The following LSAMP variants were observed in gnomAD, a reference collection of about 807,000 sequenced individuals.
The protein encoded by LSAMP is limbic system associated membrane protein, also known as limbic system-associated membrane protein.
A neutral mutation model predicts 38.6 loss-of-function variants in LSAMP; 7 were observed. The ratio of observed to expected loss-of-function variants is 0.18; its 90% CI spans 0.10 to 0.34. The LOEUF (loss-of-function observed/expected upper bound fraction) is 0.34. LSAMP is among the 10% of genes least tolerant of loss of function. The pLI, the probability that LSAMP is intolerant of heterozygous loss-of-function variation, is 1.00. For missense variants in LSAMP, 313 were observed against 420.0 expected (o/e 0.75, Z 2.23); for synonymous variants, 154 against 166.8 (o/e 0.92, Z 0.59).
intron 1 of LSAMP, among the ~76,000 whole-genome samples, chr3:116,395,679 G>A (rs1295144434): frequency 6.6e-6 from 1 of 152,094 alleles, no homozygotes; most frequent in Non-Finnish European, 1.5e-5. Flanking sequence ...GGAAAACTAA[G>A]GTGTGACTAG....
intron 1 of LSAMP, among the ~76,000 whole-genome samples, chr3:116,337,279 G>C (rs2107748436): frequency 6.6e-6 from 1 of 151,800 alleles, no homozygotes; most frequent in South Asian, 2.1e-4. Flanking sequence ...TGATGTATTT[G>C]GTACACTAAA....
At chr3:116,398,339 G>A (rs2048795749) in intron 1 of LSAMP, among the ~76,000 whole-genome samples, 2 of 152,120 alleles carry the variant, frequency 1.3e-5, no homozygotes, top group African/African-American at 2.4e-5. Context: ...GAGAAATGAA[G>A]AGAGACTAAG....
chr3:116,077,949 G>A (rs903991064), intron 2 of LSAMP, among the ~76,000 whole-genome samples: 2 of 152,184 alleles, frequency 1.3e-5, no homozygotes, highest in Non-Finnish European at 2.9e-5. Flanking sequence ...AGTGATGTGT[G>A]TTTAGCTCAT....
chr3:115,999,040 C>T (rs749254891), intron 3 of LSAMP, among the ~76,000 whole-genome samples: 7 of 152,150 alleles, frequency 4.6e-5, no homozygotes, highest in Non-Finnish European at 1.0e-4. Context: ...AGCTGTGTTG[C>T]TGCTGCTCAT....
intron 3 of LSAMP, among the ~76,000 whole-genome samples, chr3:115,942,870 A>G (rs74403894): frequency 1.3e-5 from 2 of 152,282 alleles, no homozygotes; most frequent in Non-Finnish European, 2.9e-5. Context: ...GGAAGCATCC[A>G]TGGCTTTAAC....
chr3:116,105,759 C>T (rs1230360864), intron 1 of LSAMP, among the ~76,000 whole-genome samples: 1 of 152,132 alleles, frequency 6.6e-6, no homozygotes, highest in African/African-American at 2.4e-5. Context: ...ACAGGGGATG[C>T]GATGGCTTGG....
At chr3:116,201,128 C>T (rs1215059786) in intron 1 of LSAMP, among the ~76,000 whole-genome samples, 3 of 152,158 alleles carry the variant, frequency 2.0e-5, no homozygotes, top group African/African-American at 7.2e-5. Flanking sequence ...CCCAGTCCCT[C>T]CCCGCTGTAC....
At chr3:115,847,178 G>A (rs1230094716) in intron 4 of LSAMP, among the ~76,000 whole-genome samples, 3 of 152,164 alleles carry the variant, frequency 2.0e-5, no homozygotes, top group Non-Finnish European at 4.4e-5. Context: ...CACCAAAGCT[G>A]TTTGATTTTG....
intron 1 of LSAMP, among the ~76,000 whole-genome samples, chr3:116,396,571 T>C (rs1292061383): frequency 1.1e-4 from 16 of 152,352 alleles, no homozygotes; most frequent in African/African-American, 3.6e-4. Flanking sequence ...ATCTATTATA[T>C]ACAGCCAACA....
chr3:116,278,880 A>C (rs2107679455), intron 1 of LSAMP, among the ~76,000 whole-genome samples: 1 of 152,328 alleles, frequency 6.6e-6, no homozygotes, highest in South Asian at 2.1e-4. Context: ...GTCTCAAAGA[A>C]GATGGATAGC....
At chr3:116,254,701 T>C (rs2046728160) in intron 1 of LSAMP, among the ~76,000 whole-genome samples, 1 of 152,222 alleles carries the variant, frequency 6.6e-6, no homozygotes. Flanking sequence ...AGCCTCTGAC[T>C]ACCATCTGTT....
intron 1 of LSAMP, among the ~76,000 whole-genome samples, chr3:116,341,763 G>A (rs1012957836): frequency 6.6e-5 from 10 of 151,904 alleles, no homozygotes; most frequent in East Asian, 1.9e-4. Context: ...AATGACTCCC[G>A]CCTTCCTTGA....
chr3:116,216,270 T>A (rs1402460758), intron 1 of LSAMP, among the ~76,000 whole-genome samples: 1 of 152,188 alleles, frequency 6.6e-6, no homozygotes, highest in African/African-American at 2.4e-5. Context: ...TCCCATGACT[T>A]CCAGACCCAT....
chr3:116,110,442 A>C (rs542740445), intron 1 of LSAMP, among the ~76,000 whole-genome samples: 60 of 152,296 alleles, frequency 3.9e-4, no homozygotes, highest in Admixed American at 1.6e-3. Context: ...CATTGATTAA[A>C]CACCAAGGGA....
At chr3:116,042,413 G>A (rs1332647834) in intron 2 of LSAMP, among the ~76,000 whole-genome samples, 3 of 151,146 alleles carry the variant, frequency 2.0e-5, no homozygotes, top group Non-Finnish European at 2.9e-5. Flanking sequence ...GTATCTACCA[G>A]TCTAATAAAG....
At chr3:115,824,378 C>G (rs1170725343) in intron 6 of LSAMP, among the ~76,000 whole-genome samples, 1 of 152,104 alleles carries the variant, frequency 6.6e-6, no homozygotes, top group African/African-American at 2.4e-5. Context: ...AATTAAGAGA[C>G]CAGCCAACTC....
intron 1 of LSAMP, among the ~76,000 whole-genome samples, chr3:116,118,944 G>C (rs1708813265): frequency 6.6e-6 from 1 of 152,108 alleles, no homozygotes; most frequent in African/African-American, 2.4e-5. Context: ...CAAATGCCCT[G>C]GGGATCGTTT....
intron 2 of LSAMP, among the ~76,000 whole-genome samples, chr3:116,078,913 T>C (rs1260274525): frequency 6.6e-6 from 1 of 152,132 alleles, no homozygotes; most frequent in Non-Finnish European, 1.5e-5. Flanking sequence ...AAAACCAACA[T>C]GAAGATGCTA....
At chr3:116,335,507 A>G (rs979209715) in intron 1 of LSAMP, among the ~76,000 whole-genome samples, 2 of 152,106 alleles carry the variant, frequency 1.3e-5, no homozygotes, top group Admixed American at 6.6e-5. Flanking sequence ...ACTGGCATAT[A>G]GACAGACATA....
Sources: gnomAD v4.1 joint callset for allele counts (sites outside exome capture counted in the v4.1 genomes callset) on GRCh38, gnomAD v4.1.1 for gene constraint, MANE v1.5 for transcripts, NCBI Gene and HGNC (gene_info 2026-07-23, HGNC 2026-07-21) for gene names.